The following TEX29 variants were observed in gnomAD, a reference collection of about 807,000 sequenced individuals.
TEX29 encodes testis-expressed protein 29.
Under a neutral mutation model 18.2 loss-of-function variants are expected in TEX29, and 26 were observed. The observed-to-expected ratio is 1.43, with a 90% CI of 1.04 to 1.98. TEX29 has a LOEUF of 1.98. Among genes scored for constraint, TEX29 ranks in the 30% most tolerant of loss-of-function variants. TEX29 has a pLI of 0.00. For synonymous variants in TEX29, 83 were observed against 78.5 expected (o/e 1.06, Z -0.31); for missense variants, 177 against 194.2 (o/e 0.91, Z 0.53).
intron 2 of TEX29, among the ~76,000 whole-genome samples, chr13:111,321,701 C>T (rs56206441): frequency 0.25 from 37,935 of 151,828 alleles, 5,258 homozygotes; most frequent in African/African-American, 0.38. Flanking sequence ...GGCAGGTGGG[C>T]CACCTGAGGT....
Position 111,342,645 on chromosome 13 carries a change from A to G in TEX29, c.240-111A>G, listed in dbSNP as rs949408772. The G allele has an allele frequency of 6.5e-5, 65 of 1,003,286 alleles. No homozygotes were observed. In the South Asian group the frequency reaches 7.4e-4, roughly 11 times the overall value. The allele number at this position is 1,003,286 out of a possible 1,614,324, so 62.1% of individuals were successfully genotyped here. On this transcript the variant is annotated intron_variant, in intron 4 of 5. Coordinates refer to ENST00000283547, the MANE Select transcript of TEX29 (RefSeq NM_152324.3). ...CATTTACCTTAAAAAATAAGTATGC[A>G]TGATCAGGAACCTGTGTTTTCAGAG...
At chr13:111,342,037 C>G (rs887412818) in intron 4 of TEX29, among the ~76,000 whole-genome samples, 1 of 152,188 alleles carries the variant, frequency 6.6e-6, no homozygotes, top group Non-Finnish European at 1.5e-5. Context: ...TTGGAGGTGT[C>G]TCAGAGATGA....
intron 2 of TEX29, among the ~76,000 whole-genome samples, chr13:111,321,505 C>T (rs1287943726): frequency 6.6e-6 from 1 of 152,170 alleles, no homozygotes; most frequent in Non-Finnish European, 1.5e-5. Context: ...AAGTTTGCAC[C>T]TCCCCCGGGA....
chr13:111,319,513 T>C (rs1459066829), upstream of TEX29, among the ~76,000 whole-genome samples: 1 of 152,156 alleles, frequency 6.6e-6, no homozygotes, highest in African/African-American at 2.4e-5. Context: ...CCTAGATGCC[T>C]CCTCTGTCCA....
upstream of TEX29, among the ~76,000 whole-genome samples, chr13:111,319,790 G>A (rs74126305): frequency 0.025 from 3,861 of 152,168 alleles, 123 homozygotes; most frequent in African/African-American, 0.069. Context: ...ATTATGCAAG[G>A]CCCACTCCTT....
chr13:111,329,627 A>G (rs2093679660), intron 3 of TEX29, among the ~76,000 whole-genome samples: 1 of 152,102 alleles, frequency 6.6e-6, no homozygotes. Flanking sequence ...AAAGCCTGTA[A>G]CAAATGAAGG....
rs770943261 is a variant in TEX29, at chr13:111,339,881, C to G, written c.188C>G (p.Ser63Cys). ...KAVPIYIHVF[S>C]ALIVIIAGAF... ...TTTTCAGTTTACATCCACGTGTTCTCTGCCTTGATTGTGATCATCGCTGGG... is the reference window on the plus strand; with the variant it reads ...TTTTCAGTTTACATCCACGTGTTCTGTGCCTTGATTGTGATCATCGCTGGG... The change falls in exon 4 of 6, where the codon TCT becomes TGT. Residue 63 changes from serine (S) to cysteine (C), a missense_variant. Ser to Cys is a moderately radical substitution (Grantham distance 112). Coordinates refer to ENST00000283547, the MANE Select transcript of TEX29 (RefSeq NM_152324.3). 2.5e-6 allele frequency: 4 copies of G among 1,613,634 alleles called. 1 individual carries two copies. In the Admixed American group the frequency reaches 6.7e-5, roughly 27 times the overall value.
intron 3 of TEX29, among the ~76,000 whole-genome samples, chr13:111,333,898 G>A (rs151167205): frequency 2.1e-3 from 315 of 152,320 alleles, no homozygotes; most frequent in Non-Finnish European, 3.5e-3. Context: ...TCCCTCGCTT[G>A]ACATGTGAGA....
chr13:111,324,201 C>T (rs996740603), intron 2 of TEX29, among the ~76,000 whole-genome samples: 2 of 152,202 alleles, frequency 1.3e-5, no homozygotes, highest in Admixed American at 6.5e-5. Flanking sequence ...CTTCTCTTCC[C>T]GCCTGGACCA....
intron 2 of TEX29, among the ~76,000 whole-genome samples, chr13:111,323,334 G>T (rs2093667794): frequency 6.6e-6 from 1 of 152,228 alleles, no homozygotes; most frequent in Non-Finnish European, 1.5e-5. Context: ...AGGATGACAG[G>T]TGGCCCCTGG....
chr13:111,330,964 G>C (rs992579570), intron 3 of TEX29, among the ~76,000 whole-genome samples: 1 of 152,192 alleles, frequency 6.6e-6, no homozygotes, highest in Non-Finnish European at 1.5e-5. Context: ...ATAGACATGT[G>C]GGTTGTTTCC....
At chr13:111,343,764 C>T in intron 5 of TEX29, among the ~76,000 whole-genome samples, 1 of 152,152 alleles carries the variant, frequency 6.6e-6, no homozygotes, top group East Asian at 1.9e-4. Flanking sequence ...GAGGGCAACC[C>T]ACACTTGATT....
intron 2 of TEX29, 103 bp from the exon 3 acceptor site, chr13:111,328,080 C>G: frequency 1.4e-6 from 1 of 702,204 alleles, no homozygotes; most frequent in African/African-American, 1.8e-5. Context: ...AACCACAACA[C>G]AAACCCACAG....
Position 111,328,559 on chromosome 13 carries a change from G to A in TEX29, c.169+266G>A, listed in dbSNP as rs897360978. Among the ~76,000 whole-genome samples the A allele has an allele frequency of 3.3e-5, 5 of 152,162 alleles. No homozygotes were observed. In the South Asian group the frequency reaches 1.0e-3, roughly 32 times the overall value. The stretch of plus-strand genomic sequence containing the variant: ...GAGCAGGGCATGGACGGGGACAAAT[G>A]GAGGCCCCCTTCATGGAGGAATTTG... On this transcript the variant is annotated intron_variant, in intron 3 of 5. Coordinates refer to ENST00000283547, the MANE Select transcript of TEX29 (RefSeq NM_152324.3).
intron 3 of TEX29, among the ~76,000 whole-genome samples, chr13:111,330,675 A>G (rs2093681291): frequency 6.6e-6 from 1 of 152,240 alleles, no homozygotes; most frequent in Non-Finnish European, 1.5e-5. Context: ...CACTAACTCC[A>G]GAACATTTGT....
At chr13:111,343,801 C>G (rs1202363856) in intron 5 of TEX29, among the ~76,000 whole-genome samples, 1 of 152,178 alleles carries the variant, frequency 6.6e-6, no homozygotes. Flanking sequence ...TGGCCCCTAA[C>G]TGAGGCTGCG....
Position 111,320,932 on chromosome 13 carries a change from C to T in TEX29, c.42C>T (p.Leu14=), listed in dbSNP as rs1306256889. The T allele has an allele frequency of 1.9e-6, 3 of 1,600,084 alleles. No homozygotes were observed. The highest frequency in any genetic ancestry group is 3.4e-5 in the Admixed American group (2 of 58,584). ...AAGTGAAGAACTCTCCGCGGCACCT[C>T]CTGAAGCAATTCACAGGTATGGAGG... ...VLEVKNSPRH[L]LKQFTVCDVP... The change falls in exon 2 of 6, where the codon CTC becomes CTT. Residue 14 remains leucine, a synonymous_variant. Transcript: ENST00000283547.
At chr13:111,334,029 A>G (rs1294047822) in intron 3 of TEX29, among the ~76,000 whole-genome samples, 2 of 152,214 alleles carry the variant, frequency 1.3e-5, no homozygotes, top group Admixed American at 6.5e-5. Context: ...GAATATGCTT[A>G]AAATGGTTGA....
At chr13:111,320,988 G>GGGGGGGGGT in intron 2 of TEX29, 40 bp downstream of exon 2, 3 of 431,436 alleles carry the variant, frequency 7.0e-6, no homozygotes, top group East Asian at 6.6e-5. Context: ...TGGGGTGGGG[G>GGGGGGGGGT]AGCAGTTGGG....
Sources: gnomAD v4.1 joint callset for allele counts (sites outside exome capture counted in the v4.1 genomes callset) on GRCh38, gnomAD v4.1.1 for gene constraint, MANE v1.5 for transcripts, NCBI Gene and HGNC (gene_info 2026-07-23, HGNC 2026-07-21) for gene names.